The following AJAP1 variants were observed in gnomAD, a reference collection of about 807,000 sequenced individuals.
AJAP1 encodes adherens junction-associated protein 1.
Under a neutral mutation model 35.0 loss-of-function variants are expected in AJAP1, and 5 were observed. The ratio of observed to expected loss-of-function variants is 0.14; its 90% confidence interval spans 0.07 to 0.30. AJAP1 has a LOEUF of 0.30. Ranked by LOEUF, AJAP1 falls within the 10% of genes least tolerant of loss-of-function variation. The probability of loss-of-function intolerance (pLI) is 1.00; values close to 1 mark genes in which losing one functional copy is unlikely to be tolerated. For missense variants in AJAP1, 586 were observed against 571.0 expected (o/e 1.03, Z -0.27); for synonymous variants, 284 against 249.3 (o/e 1.14, Z -1.31).
At chr1:4,781,846 C>T (rs1642069940) in intron 5 of AJAP1, among the ~76,000 whole-genome samples, 1 of 152,192 alleles carries the variant, frequency 6.6e-6, no homozygotes, top group Non-Finnish European at 1.5e-5. Flanking sequence ...CTGCATTTTC[C>T]ATTTTCCGAG....
rs1368728149 is a variant in AJAP1 at position 4,692,396 on chromosome 1, G to A, written c.30-19504G>A. ...AGGAGAGGCTGGGGGGCACGTCTGA[G>A]GGTGCAGCAGAGGGATATAGCCTCC... On this transcript the variant is annotated intron_variant, in intron 1 of 5. Transcript: ENST00000378191. The surrounding 1 kb of genome is among the most constrained non-coding windows in gnomAD (Gnocchi z 4.4). Among the ~76,000 whole-genome samples the A allele has an allele frequency of 6.6e-6, 1 of 152,180 alleles. No homozygotes were observed. Among genetic ancestry groups the A allele is most frequent in the Admixed American group, 6.5e-5 (1 of 15,284 alleles).
chr1:4,761,668 C>G (rs538927919), intron 2 of AJAP1, among the ~76,000 whole-genome samples: 2 of 152,302 alleles, frequency 1.3e-5, no homozygotes, highest in South Asian at 4.1e-4. Flanking sequence ...AAGATGAGGT[C>G]CCACAATTCC....
rs1452071299 is a variant in AJAP1, at chr1:4,784,099, A to G, written c.*1614A>G. On this transcript the variant is annotated 3_prime_UTR_variant, in exon 6 of 6. Transcript: ENST00000378191. ...CCGAGAATCCTACTATAAACTACCCAGTGGAAACAGGGGCCCCAGACCTGA... is the reference window on the plus strand; with the variant it reads ...CCGAGAATCCTACTATAAACTACCCGGTGGAAACAGGGGCCCCAGACCTGA... The G allele has an allele frequency of 1.3e-5, 2 of 152,080 alleles. No homozygotes were observed. The highest frequency in any genetic ancestry group is 2.9e-5 in the Non-Finnish European group (2 of 68,014). The allele number at this position is 152,080 out of a possible 1,614,324, so 9.4% of individuals were successfully genotyped here.
intron 1 of AJAP1, among the ~76,000 whole-genome samples, chr1:4,711,469 C>T (rs926860602): frequency 6.6e-6 from 1 of 152,190 alleles, no homozygotes; most frequent in South Asian, 2.1e-4. Flanking sequence ...GGCCGGTGTC[C>T]GCTGCTGCCA....
rs1640491029 is a variant in AJAP1, at chr1:4,720,406, G to A, written c.829+7707G>A. ...AGTTTGTTGGAGGAACAGAGAGGCTGAAAATCTCCCTCCAGAGGTGACTGA... is the reference window on the plus strand; with the variant it reads ...AGTTTGTTGGAGGAACAGAGAGGCTAAAAATCTCCCTCCAGAGGTGACTGA... On this transcript the variant is annotated intron_variant, in intron 2 of 5. Transcript: ENST00000378191. The surrounding 1 kb of genome is among the most constrained non-coding windows in gnomAD (Gnocchi z 4.4). 6.6e-6 allele frequency among the ~76,000 whole-genome samples: 1 copy of A among 152,192 alleles called. No homozygotes were observed. Among genetic ancestry groups the A allele is most frequent in the Non-Finnish European group, 1.5e-5 (1 of 68,034 alleles).
intron 2 of AJAP1, among the ~76,000 whole-genome samples, chr1:4,759,166 T>C (rs983029507): frequency 2.6e-5 from 4 of 152,132 alleles, no homozygotes; most frequent in African/African-American, 4.8e-5. Flanking sequence ...TGCTCCTCCT[T>C]CTCGTGTGTT....
At chr1:4,722,010 G>A (rs528731182) in intron 2 of AJAP1, among the ~76,000 whole-genome samples, 7 of 152,260 alleles carry the variant, frequency 4.6e-5, no homozygotes, top group African/African-American at 1.4e-4. Flanking sequence ...GTGCTGAGGT[G>A]GTCAAAGGCT....
At chr1:4,716,530 G>C (rs1336942324) in intron 2 of AJAP1, among the ~76,000 whole-genome samples, 4 of 152,034 alleles carry the variant, frequency 2.6e-5, no homozygotes, top group African/African-American at 7.2e-5. Context: ...GATGATGGTG[G>C]TGATGGTGAT....
chr1:4,662,513 G>A (rs1486309451), intron 1 of AJAP1, among the ~76,000 whole-genome samples: 1 of 152,218 alleles, frequency 6.6e-6, no homozygotes, highest in Non-Finnish European at 1.5e-5. Flanking sequence ...GCATGTTGGG[G>A]CTGGGGGAGC....
intron 2 of AJAP1, among the ~76,000 whole-genome samples, chr1:4,758,815 G>A (rs1257253173): frequency 3.3e-5 from 5 of 152,164 alleles, no homozygotes; most frequent in Admixed American, 1.3e-4. Context: ...CAGGACAGCC[G>A]GCGTGCAGAG....
intron 2 of AJAP1, among the ~76,000 whole-genome samples, chr1:4,755,863 G>A (rs1042506873): frequency 1.3e-5 from 2 of 152,062 alleles, no homozygotes; most frequent in African/African-American, 4.8e-5. Context: ...GGAGTAAGGG[G>A]GGTTCTGGCT....
rs116489197 is a variant in AJAP1, at chr1:4,755,472, C to T, written c.830-14381C>T. On this transcript the variant is annotated intron_variant, in intron 2 of 5. Coordinates refer to ENST00000378191, the MANE Select transcript of AJAP1 (RefSeq NM_018836.4). ...CCAGTGGGTTTTGCAGGCAGAGCAC[C>T]CTGCCTGGCCACGGGGCTCTGTTTG... 3.8e-3 allele frequency among the ~76,000 whole-genome samples: 577 copies of T among 152,190 alleles called. 5 individuals carry two copies. The highest frequency in any genetic ancestry group is 0.013 in the African/African-American group (551 of 41,510).
intron 2 of AJAP1, among the ~76,000 whole-genome samples, chr1:4,760,816 C>T (rs1034252775): frequency 2.0e-5 from 3 of 152,218 alleles, no homozygotes; most frequent in Admixed American, 1.3e-4. Flanking sequence ...GGAGGGGGCC[C>T]GTGAGCAGAG....
chr1:4,703,378 G>A (rs564974816), intron 1 of AJAP1, among the ~76,000 whole-genome samples: 12 of 152,196 alleles, frequency 7.9e-5, no homozygotes, highest in East Asian at 7.8e-4. Flanking sequence ...CATCTGCACC[G>A]TCCTGGTGGT....
chr1:4,681,246 G>A (rs1206753163), intron 1 of AJAP1, among the ~76,000 whole-genome samples: 1 of 152,214 alleles, frequency 6.6e-6, no homozygotes, highest in Non-Finnish European at 1.5e-5. Context: ...AAGCCCTTTG[G>A]AAGCCCGTGT....
chr1:4,714,811 A>T (rs1640351173), intron 2 of AJAP1, among the ~76,000 whole-genome samples: 1 of 152,184 alleles, frequency 6.6e-6, no homozygotes, highest in South Asian at 2.1e-4. Flanking sequence ...CACCATCCTG[A>T]GCTTCCCAGC....
At chr1:4,721,725 A>G (rs1282067415) in intron 2 of AJAP1, among the ~76,000 whole-genome samples, 1 of 152,166 alleles carries the variant, frequency 6.6e-6, no homozygotes, top group African/African-American at 2.4e-5. Context: ...GGGAGGAGAA[A>G]GAAAGGCCAG....
At chr1:4,771,121 A>C (rs1641824418) in intron 3 of AJAP1, among the ~76,000 whole-genome samples, 1 of 152,170 alleles carries the variant, frequency 6.6e-6, no homozygotes, top group Admixed American at 6.5e-5. Flanking sequence ...ACAAGCCTTC[A>C]TCTTGCTTTT....
intron 1 of AJAP1, among the ~76,000 whole-genome samples, chr1:4,708,178 G>A (rs1640143643): frequency 1.3e-5 from 2 of 151,946 alleles, no homozygotes; most frequent in Non-Finnish European, 2.9e-5. Flanking sequence ...ATGTTGTGCA[G>A]GATGGTCTCG....
Sources: gnomAD v4.1 joint callset for allele counts (sites outside exome capture counted in the v4.1 genomes callset) on GRCh38, gnomAD v4.1.1 for gene constraint, Gnocchi (gnomAD v3.1) non-coding constraint, MANE v1.5 for transcripts, NCBI Gene and HGNC (gene_info 2026-07-23, HGNC 2026-07-21) for gene names.